Variants in NPHP1 observed in about 807,000 individuals in gnomAD.
NPHP1 encodes nephrocystin-1.
Under a neutral mutation model 90.4 loss-of-function variants are expected in NPHP1, and 70 were observed. The observed-to-expected ratio is 0.77, with a 90% CI of 0.64 to 0.95. The LOEUF (loss-of-function observed/expected upper bound fraction) is 0.95. Ranked by LOEUF, NPHP1 falls within the 40% of genes least tolerant of loss-of-function variation. NPHP1 has a pLI of 0.00. For synonymous variants in NPHP1, 256 were observed against 271.7 expected (o/e 0.94, Z 0.57); for missense variants, 764 against 795.9 (o/e 0.96, Z 0.48).
At chr2:110,156,260 C>T (rs998268003) in intron 11 of NPHP1, among the ~76,000 whole-genome samples, 2 of 151,872 alleles carry the variant, frequency 1.3e-5, no homozygotes, top group African/African-American at 4.8e-5. Flanking sequence ...TTGCACTGTT[C>T]TCATGATGGT....
At chr2:110,163,911 T>A (rs1682530156) in intron 8 of NPHP1, 2 of 154,604 alleles carry the variant, frequency 1.3e-5, no homozygotes, top group Non-Finnish European at 2.9e-5. Flanking sequence ...TCCACCCGCC[T>A]TGGCCTCCCA....
chr2:110,125,409 C>T (rs2104414680), intron 19 of NPHP1: 1 of 1,331,720 alleles, frequency 7.5e-7, no homozygotes, highest in South Asian at 1.4e-5. Context: ...TTAAATAAAA[C>T]TCAGTAATCT....
intron 6 of NPHP1, 48 bp downstream of exon 6, chr2:110,168,404 C>CAA (rs576045152): frequency 1.9e-4 from 198 of 1,069,914 alleles, no homozygotes; most frequent in South Asian, 3.8e-4. Flanking sequence ...TTATTAAAAG[C>CAA]GAAAAAAAAA....
chr2:110,147,391 T>G (rs1244062896), intron 13 of NPHP1, among the ~76,000 whole-genome samples: 2 of 152,154 alleles, frequency 1.3e-5, no homozygotes, highest in Non-Finnish European at 2.9e-5. Flanking sequence ...TAACGCTCTC[T>G]GGGTTACCAT....
At chr2:110,152,696 G>T (rs190690106) in intron 11 of NPHP1, among the ~76,000 whole-genome samples, 1 of 150,952 alleles carries the variant, frequency 6.6e-6, no homozygotes. Context: ...ACCAGAAGCA[G>T]AACCATGTCA....
At chr2:110,175,311 A>C (rs1683430716) in intron 4 of NPHP1, among the ~76,000 whole-genome samples, 1 of 152,142 alleles carries the variant, frequency 6.6e-6, no homozygotes. Context: ...CATCTTCTTC[A>C]ATCCTTTTTG....
chr2:110,184,875 T>G (rs1684173574), intron 2 of NPHP1: 1 of 697,274 alleles, frequency 1.4e-6, no homozygotes, highest in Admixed American at 1.8e-5. Flanking sequence ...AGGCCAGACT[T>G]GATCAGGGAG....
intron 4 of NPHP1, among the ~76,000 whole-genome samples, chr2:110,173,702 C>A (rs1278966782): frequency 6.6e-6 from 1 of 152,104 alleles, no homozygotes; most frequent in Admixed American, 6.5e-5. Flanking sequence ...TAACCTACAC[C>A]TTCTAGGTTT....
chr2:110,187,708 A>T (rs1684395724), intron 2 of NPHP1, among the ~76,000 whole-genome samples: 1 of 152,158 alleles, frequency 6.6e-6, no homozygotes, highest in African/African-American at 2.4e-5. Flanking sequence ...GGAGAGATAC[A>T]GCAAAAACAG....
intron 1 of NPHP1, among the ~76,000 whole-genome samples, chr2:110,203,715 A>G (rs189510051): frequency 6.6e-6 from 1 of 152,146 alleles, no homozygotes; most frequent in Non-Finnish European, 1.5e-5. Flanking sequence ...AAAAAAATTA[A>G]AGTGAAATTA....
chr2:110,190,286 G>T (rs570628873), intron 2 of NPHP1, among the ~76,000 whole-genome samples: 3 of 152,172 alleles, frequency 2.0e-5, no homozygotes, highest in East Asian at 3.9e-4. Context: ...AGCAGGGGGT[G>T]GCACTTGTCA....
In NPHP1 at chr2:110,152,191, G is replaced by A. The variant is rs974210272; in HGVS notation, c.1084-1935C>T. Among the ~76,000 whole-genome samples, 10 of 152,100 alleles carry A rather than the reference G, an allele frequency of 6.6e-5. No homozygotes were observed. The East Asian group carries it at 1.2e-3, about 18-fold the overall frequency. On this transcript the variant is annotated intron_variant, in intron 11 of 19. Coordinates refer to ENST00000445609, the MANE Select transcript of NPHP1 (RefSeq NM_001128178.3). ...CAAGAGGGGCTGGGTGCAGTGGCTC[G>A]TGCCTGTAGTCTAACTACTTGGGAG... is the stretch of plus-strand genomic sequence containing the variant.
chr2:110,199,696 A>C (rs1477958300), intron 2 of NPHP1, among the ~76,000 whole-genome samples: 1 of 152,128 alleles, frequency 6.6e-6, no homozygotes, highest in Non-Finnish European at 1.5e-5. Context: ...GATATAGAGG[A>C]TCAGTCCAGG....
chr2:110,127,174 AG>A (rs1487394319), intron 18 of NPHP1: 2 of 152,236 alleles, frequency 1.3e-5, no homozygotes, highest in Admixed American at 1.3e-4. Context: ...CCTCTTCTGC[AG>A]GGAAACTGGC....
intron 2 of NPHP1, chr2:110,185,113 A>G: frequency 1.7e-6 from 1 of 586,464 alleles, no homozygotes; most frequent in South Asian, 1.4e-5. Context: ...CACCTTTAAG[A>G]AGATGTGGGT....
At chr2:110,134,367 A>G (rs1415718469) in intron 16 of NPHP1, among the ~76,000 whole-genome samples, 1 of 151,978 alleles carries the variant, frequency 6.6e-6, no homozygotes, top group Non-Finnish European at 1.5e-5. Flanking sequence ...TGATAAAGAA[A>G]AGCCCAGCAT....
intron 19 of NPHP1, chr2:110,125,123 G>T: frequency 7.0e-7 from 1 of 1,430,328 alleles, no homozygotes; most frequent in African/African-American, 1.4e-5. Flanking sequence ...AAGCCAAGAA[G>T]ATTTTCCATC....
chr2:110,161,287 T>C (rs560113270), intron 10 of NPHP1, among the ~76,000 whole-genome samples: 1 of 152,260 alleles, frequency 6.6e-6, no homozygotes, highest in Non-Finnish European at 1.5e-5. Context: ...TCAAAATAAC[T>C]TTATGTTGGA....
chr2:110,180,597 A>C (rs1683825787), intron 2 of NPHP1, among the ~76,000 whole-genome samples: 1 of 151,982 alleles, frequency 6.6e-6, no homozygotes, highest in African/African-American at 2.4e-5. Context: ...AGGGCAAGTG[A>C]ATTCAGCACT....
Sources: gnomAD v4.1 joint callset for allele counts (sites outside exome capture counted in the v4.1 genomes callset) on GRCh38, gnomAD v4.1.1 for gene constraint, MANE v1.5 for transcripts, NCBI Gene and HGNC (gene_info 2026-07-23, HGNC 2026-07-21) for gene names.